Variants in LRP1B observed in about 807,000 individuals in gnomAD.
The protein encoded by LRP1B is low-density lipoprotein receptor-related protein 1B.
A neutral mutation model predicts 556.6 loss-of-function variants in LRP1B; 217 were observed. The observed-to-expected ratio is 0.39, with a 90% CI of 0.35 to 0.44. LRP1B has a LOEUF of 0.44. Ranked by LOEUF, LRP1B falls within the 20% of genes least tolerant of loss-of-function variation. The probability of loss-of-function intolerance (pLI) is 1.00; values close to 1 mark genes in which losing one functional copy is unlikely to be tolerated. For synonymous variants in LRP1B, 2,047 were observed against 1,865.8 expected, an observed-to-expected ratio of 1.10 and a Z score of -2.50; for missense variants, 5,053 against 5,620.8, an observed-to-expected ratio of 0.90 and a Z score of 3.23.
intron 89 of LRP1B, among the ~76,000 whole-genome samples, chr2:140,237,212 C>T (rs546274159): frequency 1.1e-4 from 16 of 151,076 alleles, no homozygotes; most frequent in African/African-American, 3.9e-4. Context: ...ATTCTACTCT[C>T]TACTTCAATA....
chr2:142,122,706 C>T (rs78598838), intron 1 of LRP1B, among the ~76,000 whole-genome samples: 6,563 of 152,028 alleles, frequency 0.043, 229 homozygotes, highest in Non-Finnish European at 0.058. Context: ...GTGCTTTCAC[C>T]TGATGAGGCA....
intron 2 of LRP1B, 122 bp downstream of exon 2, chr2:141,810,154 AAAG>A (rs1696306012): frequency 2.2e-6 from 1 of 448,892 alleles, no homozygotes; most frequent in South Asian, 6.1e-5. Flanking sequence ...AGAAAGAAAG[AAAG>A]AAAGAAAGAA....
intron 6 of LRP1B, among the ~76,000 whole-genome samples, chr2:141,194,066 A>G (rs1042426368): frequency 6.6e-6 from 1 of 152,114 alleles, no homozygotes; most frequent in Non-Finnish European, 1.5e-5. Flanking sequence ...GTCCAGTACA[A>G]TATTGACTAG....
chr2:140,345,769 CATATATATACAT>C (rs1160986257), intron 77 of LRP1B, among the ~76,000 whole-genome samples: 3 of 125,760 alleles, frequency 2.4e-5, no homozygotes, highest in African/African-American at 9.7e-5. Context: ...CATATATACA[CATATATATACAT>C]ATATATACAC....
intron 1 of LRP1B, among the ~76,000 whole-genome samples, chr2:142,118,380 C>G (rs1359241087): frequency 2.6e-5 from 4 of 152,080 alleles, no homozygotes. Context: ...CACGCTATTG[C>G]TAGATTTTTC....
At chr2:140,480,784 A>G (rs1688203729) in intron 59 of LRP1B, among the ~76,000 whole-genome samples, 1 of 152,168 alleles carries the variant, frequency 6.6e-6, no homozygotes, top group African/African-American at 2.4e-5. Context: ...AAAATAAATG[A>G]AAGTATGTCT....
intron 90 of LRP1B, among the ~76,000 whole-genome samples, chr2:140,234,134 C>A (rs746230949): frequency 6.6e-6 from 1 of 151,246 alleles, no homozygotes; most frequent in Non-Finnish European, 1.5e-5. Flanking sequence ...ACATTATAAT[C>A]TTTGAGCCAT....
At chr2:140,604,906 T>C (rs1403439528) in intron 41 of LRP1B, among the ~76,000 whole-genome samples, 1 of 152,158 alleles carries the variant, frequency 6.6e-6, no homozygotes, top group Non-Finnish European at 1.5e-5. Context: ...CCTGTCACCA[T>C]GTAAGATGTG....
chr2:142,050,541 G>A (rs973608853), intron 1 of LRP1B, among the ~76,000 whole-genome samples: 1 of 151,946 alleles, frequency 6.6e-6, no homozygotes, highest in Non-Finnish European at 1.5e-5. Context: ...TTCAATTTTT[G>A]TTATTAAAAA....
intron 1 of LRP1B, among the ~76,000 whole-genome samples, chr2:142,087,039 T>C (rs1705966640): frequency 6.6e-6 from 1 of 151,732 alleles, no homozygotes; most frequent in Admixed American, 6.6e-5. Flanking sequence ...TAGCTGATGA[T>C]AAAGGTCAGT....
Position 141,247,291 on chromosome 2 carries a change from T to G in LRP1B, c.527A>C (p.Tyr176Ser), listed in dbSNP as rs946716728. 6.2e-7 allele frequency: 1 copy of G among 1,613,716 alleles called. No homozygotes were observed. Among genetic ancestry groups the G allele is most frequent in the African/African-American group, 1.3e-5 (1 of 74,922 alleles). The change falls in exon 5 of 91, where the codon TAC becomes TCC. Residue 176 changes from tyrosine to serine, a missense_variant. By Grantham distance (144) the Tyr-to-Ser change is moderately radical. Coordinates refer to ENST00000389484, the MANE Select transcript of LRP1B (RefSeq NM_018557.3). ...GTAGCCTTCCACACAACTGCAAGTG[T>G]AGGATCCATGTGTGTTTCTGCAGGT... ...SQTCRNTHGS[Y>S]TCSCVEGYLM...
intron 18 of LRP1B, among the ~76,000 whole-genome samples, chr2:140,959,012 C>T (rs915469857): frequency 6.7e-6 from 1 of 148,654 alleles, no homozygotes; most frequent in Non-Finnish European, 1.5e-5. Flanking sequence ...CAGTGTTCAG[C>T]GCTGCTCAGA....
intron 3 of LRP1B, among the ~76,000 whole-genome samples, chr2:141,387,374 A>C (rs1446671721): frequency 6.6e-6 from 1 of 152,068 alleles, no homozygotes; most frequent in African/African-American, 2.4e-5. Context: ...AAGGAAAACC[A>C]ATGAAATCAA....
At chr2:140,444,781 C>G in intron 63 of LRP1B, 102 bp from the exon 64 acceptor site, 1 of 715,710 alleles carries the variant, frequency 1.4e-6, no homozygotes, top group Non-Finnish European at 2.4e-6. Context: ...ATAAATATAT[C>G]CTGGAATACA....
intron 43 of LRP1B, among the ~76,000 whole-genome samples, chr2:140,562,549 A>C (rs953872509): frequency 6.6e-6 from 1 of 152,120 alleles, no homozygotes; most frequent in Non-Finnish European, 1.5e-5. Context: ...TGAGATTAAT[A>C]ATAATTTTCT....
At chr2:140,558,401 A>G (rs1680810419) in intron 43 of LRP1B, among the ~76,000 whole-genome samples, 1 of 152,218 alleles carries the variant, frequency 6.6e-6, no homozygotes, top group African/African-American at 2.4e-5. Flanking sequence ...ATATCATAGA[A>G]TATCATTCAT....
intron 43 of LRP1B, among the ~76,000 whole-genome samples, chr2:140,561,962 C>G (rs1310876714): frequency 6.6e-6 from 1 of 151,712 alleles, no homozygotes; most frequent in African/African-American, 2.4e-5. Flanking sequence ...ACTATATAAA[C>G]AAAATAAACC....
intron 3 of LRP1B, among the ~76,000 whole-genome samples, chr2:141,396,459 T>A (rs2104915533): frequency 6.6e-6 from 1 of 152,328 alleles, no homozygotes; most frequent in Middle Eastern, 3.4e-3. Flanking sequence ...CAGTAATTGC[T>A]ACAATTAATG....
intron 32 of LRP1B, among the ~76,000 whole-genome samples, chr2:140,781,987 C>T (rs1689715025): frequency 6.6e-6 from 1 of 152,176 alleles, no homozygotes; most frequent in Non-Finnish European, 1.5e-5. Context: ...CAATGTTTTG[C>T]ATTCTTTTGA....
Sources: gnomAD v4.1 joint callset for allele counts (sites outside exome capture counted in the v4.1 genomes callset) on GRCh38, gnomAD v4.1.1 for gene constraint, MANE v1.5 for transcripts, NCBI Gene and HGNC (gene_info 2026-07-23, HGNC 2026-07-21) for gene names.